HEPACAM2: variants seen among roughly 807,000 people sequenced by gnomAD.
HEPACAM2 encodes the protein mitotic kinetics regulator.
Under a neutral mutation model 49.6 loss-of-function variants are expected in HEPACAM2, and 49 were observed. The observed-to-expected ratio is 0.99, with a 90% CI of 0.78 to 1.25. The LOEUF (loss-of-function observed/expected upper bound fraction) is 1.25, where lower values mean the gene tolerates loss of function less well. HEPACAM2 is among the 50% of genes most tolerant of loss of function. HEPACAM2 has a pLI of 0.00. For missense variants in HEPACAM2, 525 were observed against 557.2 expected, an observed-to-expected ratio of 0.94 and a Z score of 0.58; for synonymous variants, 197 against 202.9, an observed-to-expected ratio of 0.97 and a Z score of 0.25.
At position 93,224,953 on chromosome 7, in the gene HEPACAM2, A is replaced by G. The variant is rs150191049; in HGVS notation, c.79+1415T>C. ...TCCTAAAAGCAAAGATTGCCAAGTCATCTGTGGTCTTTACAACACACTGCC... is the reference window on the plus strand; with the variant it reads ...TCCTAAAAGCAAAGATTGCCAAGTCGTCTGTGGTCTTTACAACACACTGCC... On this transcript the variant is annotated intron_variant, in intron 1 of 9. Transcript: ENST00000394468. 9.8e-3 allele frequency among the ~76,000 whole-genome samples: 1,489 copies of G among 152,308 alleles called. 9 individuals are homozygous for G. The highest frequency in any genetic ancestry group is 0.017 in the Non-Finnish European group (1,145 of 68,010).
upstream of HEPACAM2, among the ~76,000 whole-genome samples, chr7:93,226,961 G>A (rs753125428): frequency 6.6e-6 from 1 of 152,102 alleles, no homozygotes; most frequent in Non-Finnish European, 1.5e-5. Context: ...TCAAAAGAGA[G>A]ATCCAGAATA....
intron 4 of HEPACAM2, among the ~76,000 whole-genome samples, chr7:93,200,563 C>T (rs1001015156): frequency 3.3e-5 from 5 of 151,956 alleles, no homozygotes; most frequent in African/African-American, 1.2e-4. Context: ...CAAGTAAGAT[C>T]GTTATTTACT....
At chr7:93,216,794 G>T (rs1252981348) in intron 2 of HEPACAM2, among the ~76,000 whole-genome samples, 1 of 152,196 alleles carries the variant, frequency 6.6e-6, no homozygotes, top group Non-Finnish European at 1.5e-5. Flanking sequence ...ACATAAGTGA[G>T]AGATGATTGT....
chr7:93,190,562 G>A (rs1203871209), intron 9 of HEPACAM2, among the ~76,000 whole-genome samples: 3 of 152,012 alleles, frequency 2.0e-5, no homozygotes, highest in Non-Finnish European at 4.4e-5. Context: ...GGTAGCATGA[G>A]CTGGGGTTTT....
chr7:93,206,200 T>C (rs1794024306), intron 4 of HEPACAM2, among the ~76,000 whole-genome samples: 1 of 152,076 alleles, frequency 6.6e-6, no homozygotes, highest in South Asian at 2.1e-4. Flanking sequence ...GATACCAGGA[T>C]TGCTACTATT....
chr7:93,189,816 C>T (rs1445803249), intron 9 of HEPACAM2, among the ~76,000 whole-genome samples: 1 of 151,974 alleles, frequency 6.6e-6, no homozygotes, highest in African/African-American at 2.4e-5. Context: ...AGTTAGGATT[C>T]TTTCCCCAGA....
At chr7:93,231,561 T>C in the HEPACAM2 span, among the ~76,000 whole-genome samples, 1 of 152,224 alleles carries the variant, frequency 6.6e-6, no homozygotes, top group African/African-American at 2.4e-5. Context: ...TTAGCTATCA[T>C]TGTTAGCTTT....
At position 93,219,453 on chromosome 7, in the gene HEPACAM2, T is replaced by C. The variant is rs746074655; in HGVS notation, c.80-2A>G. 3 of 1,613,784 alleles carry C rather than the reference T, an allele frequency of 1.9e-6. No individual in the cohort carries two copies. In the South Asian group the frequency reaches 3.3e-5, roughly 18 times the overall value. ...TCACCTTCAGCCCCGAGCAAGCACC[T>C]GTTGCAAAGGAAAGGAAAGTTGTGA... On this transcript the variant is annotated splice_acceptor_variant, in intron 1 of 9. Transcript: ENST00000394468. LOFTEE classifies it high-confidence loss of function.
intron 3 of HEPACAM2, among the ~76,000 whole-genome samples, chr7:93,211,616 A>G (rs1794180027): frequency 6.6e-6 from 1 of 152,024 alleles, no homozygotes; most frequent in Non-Finnish European, 1.5e-5. Context: ...ACCACATACT[A>G]TGTATGGCTA....
chr7:93,197,316 A>T, intron 6 of HEPACAM2, 38 bp from the exon 7 acceptor site: 3 of 1,608,690 alleles, frequency 1.9e-6, no homozygotes, highest in Non-Finnish European at 2.5e-6. Flanking sequence ...CAGGGATAAT[A>T]ATTGAGGAAT....
upstream of HEPACAM2, among the ~76,000 whole-genome samples, chr7:93,230,530 T>G (rs985197875): frequency 6.6e-6 from 1 of 152,230 alleles, no homozygotes; most frequent in African/African-American, 2.4e-5. Flanking sequence ...GTGAACTCCT[T>G]GTGACCACAA....
intron 4 of HEPACAM2, among the ~76,000 whole-genome samples, chr7:93,197,952 A>G (rs1354238543): frequency 6.6e-6 from 1 of 152,064 alleles, no homozygotes; most frequent in African/African-American, 2.4e-5. Flanking sequence ...CTAAATGCTA[A>G]GTTGTTCTCT....
intron 4 of HEPACAM2, among the ~76,000 whole-genome samples, chr7:93,205,100 C>CAA (rs770467095): frequency 3.8e-5 from 3 of 79,628 alleles, no homozygotes; most frequent in African/African-American, 9.5e-5. Flanking sequence ...AACTTCATCT[C>CAA]AAAAAAAAAA....
At chr7:93,201,787 T>C (rs897840819) in intron 4 of HEPACAM2, among the ~76,000 whole-genome samples, 2 of 151,934 alleles carry the variant, frequency 1.3e-5, no homozygotes, top group African/African-American at 2.4e-5. Context: ...GAAACTCACA[T>C]CTCCCCCTGA....
At chr7:93,204,036 C>T (rs1793962554) in intron 4 of HEPACAM2, among the ~76,000 whole-genome samples, 1 of 152,060 alleles carries the variant, frequency 6.6e-6, no homozygotes, top group Non-Finnish European at 1.5e-5. Context: ...AAATACATTT[C>T]CTAGACATCT....
At chr7:93,215,827 AAAG>A in intron 2 of HEPACAM2, 142 bp from the exon 3 acceptor site, 1 of 770,832 alleles carries the variant, frequency 1.3e-6, no homozygotes, top group South Asian at 2.1e-5. Flanking sequence ...GGTAATAACT[AAAG>A]AAGAGAAGAG....
intron 8 of HEPACAM2, among the ~76,000 whole-genome samples, chr7:93,192,651 A>C (rs921650894): frequency 6.6e-6 from 1 of 152,104 alleles, no homozygotes; most frequent in African/African-American, 2.4e-5. Flanking sequence ...AATATTATAG[A>C]AAGAAAAAAT....
intron 8 of HEPACAM2, 33 bp from the exon 9 acceptor site, chr7:93,192,396 C>G: frequency 6.7e-7 from 1 of 1,485,836 alleles, no homozygotes; most frequent in Non-Finnish European, 9.4e-7. Flanking sequence ...AATAAATTAT[C>G]TCAAGACTAG....
At chr7:93,226,102 C>A (rs1393477094) in intron 1 of HEPACAM2, among the ~76,000 whole-genome samples, 1 of 152,082 alleles carries the variant, frequency 6.6e-6, no homozygotes, top group African/African-American at 2.4e-5. Flanking sequence ...AATTCATTAT[C>A]TTTTAAAAAT....
Sources: allele counts gnomAD v4.1 joint callset (sites outside exome capture counted in the v4.1 genomes callset), GRCh38; gene constraint gnomAD v4.1.1; transcripts MANE v1.5; gene names NCBI Gene and HGNC (gene_info 2026-07-23, HGNC 2026-07-21).